The following LAMC2 variants were observed in gnomAD, a reference collection of about 807,000 sequenced individuals.
LAMC2 encodes the protein laminin subunit gamma-2.
In LAMC2, 97 loss-of-function variants were observed where a neutral mutation model predicts 140.2. The observed-to-expected ratio is 0.69, with a 90% CI of 0.59 to 0.82. The LOEUF is 0.82. Ranked by LOEUF, LAMC2 falls within the 40% of genes least tolerant of loss-of-function variation. The probability of loss-of-function intolerance (pLI) is 0.00; values close to 1 mark genes in which losing one functional copy is unlikely to be tolerated. For synonymous variants in LAMC2, 513 were observed against 540.2 expected (o/e 0.95, Z 0.70); for missense variants, 1,402 against 1,476.1 (o/e 0.95, Z 0.82).
chr1:183,220,740 G>T, intron 4 of LAMC2, 85 bp from the exon 5 acceptor site: 3 of 1,355,946 alleles, frequency 2.2e-6, no homozygotes, highest in Non-Finnish European at 3.1e-6. Flanking sequence ...GGAAGAGAAG[G>T]TAGAGAGGCT....
At position 183,222,871 on chromosome 1, in the gene LAMC2, G is replaced by C. The variant is rs575959413; in HGVS notation, c.764-264G>C. Among the ~76,000 whole-genome samples, 100 of 152,304 alleles carry C rather than the reference G, an allele frequency of 6.6e-4. No individual in the cohort carries two copies. In the Middle Eastern group the frequency reaches 0.01, roughly 16 times the overall value. On this transcript the variant is annotated intron_variant, in intron 6 of 22. Coordinates refer to ENST00000264144, the MANE Select transcript of LAMC2 (RefSeq NM_005562.3). ...GCCTGGGATTTTTACAAAACAGTCT[G>C]TCATAAGGGCCACATCATGAATCAC... is the stretch of plus-strand genomic sequence containing the variant.
At chr1:183,188,267 C>T (rs1173819857) in intron 1 of LAMC2, among the ~76,000 whole-genome samples, 1 of 152,196 alleles carries the variant, frequency 6.6e-6, no homozygotes, top group Non-Finnish European at 1.5e-5. Context: ...GTAGAACACA[C>T]ATGCTTTTTC....
chr1:183,201,647 C>T (rs973186657), intron 1 of LAMC2, among the ~76,000 whole-genome samples: 3 of 152,228 alleles, frequency 2.0e-5, no homozygotes, highest in Admixed American at 2.0e-4. Flanking sequence ...CGGTGGCTCA[C>T]GCCTGTAATC....
chr1:183,204,540 G>T (rs1658823865), intron 1 of LAMC2, among the ~76,000 whole-genome samples: 1 of 151,810 alleles, frequency 6.6e-6, no homozygotes, highest in African/African-American at 2.4e-5. Context: ...GCTGAGGTTG[G>T]AGAATCGCTT....
chr1:183,225,488 C>A, intron 7 of LAMC2, 120 bp from the exon 8 acceptor site: 1 of 761,264 alleles, frequency 1.3e-6, no homozygotes. Flanking sequence ...AGTCCTATGC[C>A]CCCTTCTAAG....
At chr1:183,232,577 C>A in intron 13 of LAMC2, 75 bp from the exon 14 acceptor site, 1 of 1,362,998 alleles carries the variant, frequency 7.3e-7, no homozygotes, top group Non-Finnish European at 1.0e-6. Flanking sequence ...ATAAGCCAGT[C>A]AACCCTCCGT....
intron 22 of LAMC2, among the ~76,000 whole-genome samples, chr1:183,241,800 C>G (rs1174738217): frequency 6.6e-6 from 1 of 150,390 alleles, no homozygotes; most frequent in African/African-American, 2.4e-5. Flanking sequence ...AAAAACAAAA[C>G]AAAGGAAAAC....
At chr1:183,221,646 G>A (rs1044980683) in intron 5 of LAMC2, among the ~76,000 whole-genome samples, 7 of 151,706 alleles carry the variant, frequency 4.6e-5, no homozygotes, top group South Asian at 4.2e-4. Context: ...GGAGAATGGC[G>A]TGAACCCGGG....
chr1:183,214,356 C>T (rs751348102), intron 2 of LAMC2, among the ~76,000 whole-genome samples: 1 of 152,120 alleles, frequency 6.6e-6, no homozygotes, highest in African/African-American at 2.4e-5. Context: ...GAGAAGATTT[C>T]TCTAGAAAAG....
the LAMC2 span, among the ~76,000 whole-genome samples, chr1:183,255,361 CT>C: frequency 1.6e-4 from 24 of 151,848 alleles, no homozygotes; most frequent in African/African-American, 5.3e-4. Flanking sequence ...ATGCCTCCAA[CT>C]TTTTTTTTCT....
At chr1:183,217,403 A>T (rs1233914626) in intron 3 of LAMC2, among the ~76,000 whole-genome samples, 2 of 152,170 alleles carry the variant, frequency 1.3e-5, no homozygotes, top group South Asian at 2.1e-4. Flanking sequence ...TAAACCCAGC[A>T]ATCCCAGCAA....
intron 1 of LAMC2, among the ~76,000 whole-genome samples, chr1:183,197,455 A>C (rs1658554067): frequency 6.6e-6 from 1 of 152,160 alleles, no homozygotes; most frequent in Non-Finnish European, 1.5e-5. Context: ...TGGGCAAATC[A>C]CTTGAGATCA....
intron 22 of LAMC2, among the ~76,000 whole-genome samples, chr1:183,242,201 TACTTA>T (rs1660150785): frequency 6.6e-6 from 1 of 152,196 alleles, no homozygotes; most frequent in Admixed American, 6.5e-5. Context: ...TTCCCAAGCT[TACTTA>T]ACTTCCTCTG....
At chr1:183,226,586 A>G (rs1659632235) in intron 8 of LAMC2, 112 bp from the exon 9 acceptor site, 1 of 921,488 alleles carries the variant, frequency 1.1e-6, no homozygotes, top group Non-Finnish European at 1.8e-6. Context: ...TGATATATGA[A>G]CACCACCTGT....
intron 7 of LAMC2, among the ~76,000 whole-genome samples, chr1:183,225,274 C>T (rs967220565): frequency 2.0e-5 from 3 of 152,188 alleles, no homozygotes; most frequent in Admixed American, 6.5e-5. Context: ...ACTTCTGGAA[C>T]GTGGAGATGT....
intron 1 of LAMC2, among the ~76,000 whole-genome samples, chr1:183,203,979 A>T (rs1361731855): frequency 6.6e-6 from 1 of 152,214 alleles, no homozygotes; most frequent in Non-Finnish European, 1.5e-5. Flanking sequence ...ATGCAACTCC[A>T]TTGAAGGCTG....
In LAMC2 at chr1:183,204,101, G is replaced by A. The variant is rs529959531; in HGVS notation, c.80-3780G>A. Among the ~76,000 whole-genome samples the A allele has an allele frequency of 1.1e-4, 17 of 152,188 alleles. No individual in the cohort carries two copies. In the East Asian group the frequency reaches 3.3e-3, roughly 29 times the overall value. On this transcript the variant is annotated intron_variant, in intron 1 of 22. Coordinates refer to ENST00000264144, the MANE Select transcript of LAMC2 (RefSeq NM_005562.3). ...GGCCAGGAGTTTAAGACCAGCCTGG[G>A]CAATACCACGAGAACCTGTCTCTAC...
At chr1:183,223,970 G>T (rs10442604) in intron 7 of LAMC2, among the ~76,000 whole-genome samples, 4 of 152,194 alleles carry the variant, frequency 2.6e-5, no homozygotes, top group Non-Finnish European at 4.4e-5. Flanking sequence ...TGCACTGGAG[G>T]CTGGGAAATA....
Position 183,244,676 on chromosome 1 carries a change from G to C in LAMC2, c.*1276G>C, listed in dbSNP as rs1019188876. On this transcript the variant is annotated 3_prime_UTR_variant, in exon 23 of 23. Transcript: ENST00000264144. ...ATGGGGGCACTTGAGTTTTGGCAAGGCTGACAGAGCTCTGGGTTGTGCACA... is the reference window on the plus strand; with the variant it reads ...ATGGGGGCACTTGAGTTTTGGCAAGCCTGACAGAGCTCTGGGTTGTGCACA... The C allele has an allele frequency of 2.6e-5, 4 of 152,616 alleles. No homozygotes were observed. Among genetic ancestry groups the C allele is most frequent in the African/African-American group, 9.7e-5 (4 of 41,432 alleles). The allele number at this position is 152,616 out of a possible 1,614,324, so 9.5% of individuals were successfully genotyped here. A position where few individuals can be genotyped will look rare whatever the true frequency, so the allele number is the denominator to read the frequency against.
Sources: allele counts gnomAD v4.1 joint callset (sites outside exome capture counted in the v4.1 genomes callset), GRCh38; gene constraint gnomAD v4.1.1; transcripts MANE v1.5; gene names NCBI Gene and HGNC (gene_info 2026-07-23, HGNC 2026-07-21).